The following DOCK11 variants were observed in gnomAD, a reference collection of about 807,000 sequenced individuals.
DOCK11 encodes dedicator of cytokinesis 11.
DOCK11 carries 70 observed loss-of-function variants against 169.1 expected under a neutral mutation model. The observed-to-expected ratio is 0.41, with a 90% CI of 0.34 to 0.51. DOCK11 has a LOEUF of 0.51. DOCK11 is among the 20% of genes least tolerant of loss of function. The probability of loss-of-function intolerance (pLI) is 0.10; values close to 1 mark genes in which losing one functional copy is unlikely to be tolerated. For synonymous variants in DOCK11, 529 were observed against 541.3 expected, an observed-to-expected ratio of 0.98 and a Z score of 0.32; for missense variants, 1,166 against 1,538.8, an observed-to-expected ratio of 0.76 and a Z score of 4.05.
chrX:118,509,121 C>A lies in DOCK11; in HGVS notation c.102+13048C>A, dbSNP rs777615896. On this transcript the variant is annotated intron_variant, in intron 1 of 52. Transcript: ENST00000276202. ...CCCCTAGCCTGTCCATAGCTAACCCCCTGCCTCAGTTTTCTGGCTAATCGC... is the reference window on the plus strand; with the variant it reads ...CCCCTAGCCTGTCCATAGCTAACCCACTGCCTCAGTTTTCTGGCTAATCGC... Among the ~76,000 whole-genome samples the A allele has an allele frequency of 2.0e-3, 224 of 111,967 alleles. 1 individual carries two copies. Among genetic ancestry groups the A allele is most frequent in the African/African-American group, 7.0e-3 (217 of 30,825 alleles).
chrX:118,670,706 T>G (rs1050485536), intron 45 of DOCK11, among the ~76,000 whole-genome samples: 1 of 111,980 alleles, frequency 8.9e-6, no homozygotes, highest in Non-Finnish European at 1.9e-5. Flanking sequence ...AAACAATATA[T>G]TCCCTTTTTA....
At chrX:118,594,668 T>C (rs2014104119) in intron 20 of DOCK11, among the ~76,000 whole-genome samples, 1 of 111,308 alleles carries the variant, frequency 9.0e-6, no homozygotes, top group African/African-American at 3.3e-5. Flanking sequence ...GTAAGGGAAA[T>C]GAGTCCTGCG....
chrX:118,636,828 TACACACACACACACAC>T (rs765702693), intron 36 of DOCK11, among the ~76,000 whole-genome samples: 4 of 100,549 alleles, frequency 4.0e-5, no homozygotes, highest in African/African-American at 1.1e-4. Flanking sequence ...TATTTGTGTG[TACACACACACACACAC>T]ACACACACAC....
chrX:118,570,017 T>C (rs1053788750), intron 10 of DOCK11, among the ~76,000 whole-genome samples: 3 of 112,244 alleles, frequency 2.7e-5, no homozygotes, highest in African/African-American at 9.7e-5. Context: ...CAGTGAGCTA[T>C]GGTAAGAGAG....
intron 1 of DOCK11, among the ~76,000 whole-genome samples, 174 bp downstream of exon 1, chrX:118,496,247 G>C (rs772902403): frequency 8.9e-6 from 1 of 112,183 alleles, no homozygotes; most frequent in South Asian, 3.6e-4. Context: ...CCAGGCGCCG[G>C]CTGACAGCTC....
chrX:118,602,546 C>CT (rs112183310), intron 23 of DOCK11, among the ~76,000 whole-genome samples: 1,219 of 103,794 alleles, frequency 0.012, 21 homozygotes, highest in African/African-American at 0.039. Flanking sequence ...GGGCTCCTGT[C>CT]TTTTTTTTTT....
chrX:118,534,736 C>T (rs1377180646), intron 1 of DOCK11, among the ~76,000 whole-genome samples: 1 of 111,826 alleles, frequency 8.9e-6, no homozygotes, highest in Non-Finnish European at 1.9e-5. Context: ...TAAGAGCAGT[C>T]TCTTTGTACT....
At chrX:118,584,323 G>T (rs112415244) in intron 14 of DOCK11, among the ~76,000 whole-genome samples, 1,706 of 112,105 alleles carry the variant, frequency 0.015, 29 homozygotes, top group African/African-American at 0.052. Context: ...TCTGATGTTT[G>T]CTTTCTTGTA....
chrX:118,622,914 G>A (rs767115898), intron 31 of DOCK11, among the ~76,000 whole-genome samples: 34 of 112,092 alleles, frequency 3.0e-4, no homozygotes, highest in Admixed American at 7.6e-4. Flanking sequence ...TGGAACAAAG[G>A]AAAGTAATGA....
chrX:118,655,548 A>G (rs923632309), intron 44 of DOCK11, among the ~76,000 whole-genome samples: 10 of 111,807 alleles, frequency 8.9e-5, no homozygotes, highest in African/African-American at 3.3e-4. Flanking sequence ...AAAGGGAGTC[A>G]TACTCTTGAA....
intron 1 of DOCK11, among the ~76,000 whole-genome samples, chrX:118,519,181 G>A (rs745475033): frequency 8.9e-6 from 1 of 111,885 alleles, no homozygotes; most frequent in Admixed American, 9.5e-5. Context: ...TGAATACTTC[G>A]AAGGCTTTGA....
intron 4 of DOCK11, among the ~76,000 whole-genome samples, chrX:118,544,645 C>CTTTTTTTTTTCTTTTTTTT (rs2012174776): frequency 4.3e-5 from 1 of 23,343 alleles, no homozygotes; most frequent in Non-Finnish European, 7.2e-5. Context: ...TACACTGTTG[C>CTTTTTTTTTTCTTTTTTTT]TTTTTTTTTT....
intron 35 of DOCK11, among the ~76,000 whole-genome samples, chrX:118,635,051 GTC>G (rs1176928192): frequency 8.9e-6 from 1 of 112,175 alleles, no homozygotes; most frequent in Non-Finnish European, 1.9e-5. Flanking sequence ...CAAATTTTGA[GTC>G]TATTTTCAGT....
At chrX:118,580,574 C>T (rs1192528290) in intron 14 of DOCK11, among the ~76,000 whole-genome samples, 2 of 112,130 alleles carry the variant, frequency 1.8e-5, no homozygotes, top group Non-Finnish European at 3.8e-5. Context: ...GCCTCGGCCT[C>T]CCAAAGTGCT....
intron 10 of DOCK11, among the ~76,000 whole-genome samples, chrX:118,568,375 TATATATA>T (rs2013149837): frequency 5.9e-4 from 1 of 1,699 alleles, no homozygotes; most frequent in African/African-American, 2.5e-3. Flanking sequence ...CTGAATTATA[TATATATA>T]TATATATATA....
At position 118,535,421 on chromosome X, in the gene DOCK11, A is replaced by G. The variant is rs185624450; in HGVS notation, c.103-7304A>G. On this transcript the variant is annotated intron_variant, in intron 1 of 52. Transcript: ENST00000276202. ...TAAAACGCTTAACCGAGTATACAGC[A>G]ATGCTTAATGTAAGTGGTAACAGAA... 1.6e-3 allele frequency among the ~76,000 whole-genome samples: 179 copies of G among 112,157 alleles called. 1 individual carries two copies. The highest frequency in any genetic ancestry group is 5.6e-3 in the African/African-American group (172 of 30,915).
rs866084805 is a variant in DOCK11 at position 118,495,988 on chromosome X, A to G, written c.17A>G (p.Lys6Arg). Residue 6 changes from lysine (K) to arginine (R), a missense_variant, in exon 1 of 53, where the codon AAA becomes AGA. Lys to Arg is a conservative substitution (Grantham distance 26, BLOSUM62 2). Coordinates refer to ENST00000276202, the MANE Select transcript of DOCK11 (RefSeq NM_144658.4). MAEVR[K>R]FTKRLSKPGT... Reference sequence around the variant, plus strand: ...GCCGCTGCCATGGCCGAAGTGCGCAAATTCACCAAACGGCTCAGCAAGCCT... The same window carrying G: ...GCCGCTGCCATGGCCGAAGTGCGCAGATTCACCAAACGGCTCAGCAAGCCT... 1 of 1,089,053 alleles carries G rather than the reference A, an allele frequency of 9.2e-7. No individual in the cohort carries two copies. The highest frequency in any genetic ancestry group is 2.8e-4 in the Middle Eastern group (1 of 3,558). 89.8% of individuals were successfully genotyped at this position (1,089,053 alleles called of 1,213,427 possible).
intron 12 of DOCK11, among the ~76,000 whole-genome samples, chrX:118,576,250 C>T (rs144867645): frequency 1.0e-3 from 116 of 111,531 alleles, no homozygotes; most frequent in African/African-American, 3.4e-3. Context: ...CATTTTCTAG[C>T]GGGAGGGGCC....
In DOCK11 at chrX:118,680,512, G is replaced by A; in HGVS notation, c.5491G>A (p.Ala1831Thr). 8.4e-7 allele frequency: 1 copy of A among 1,190,045 alleles called. No individual in the cohort carries two copies. Residue 1831 changes from alanine to threonine, a missense_variant, in exon 49 of 53, where the codon GCT becomes ACT. Coordinates refer to ENST00000276202, the MANE Select transcript of DOCK11 (RefSeq NM_144658.4). ...TGCCAAAGAGCTTGATCCAAAATAT[G>A]CTCATATACAAGTTACTTATGTGAA... The part of the protein sequence containing the change: ...VNAKELDPKY[A>T]HIQVTYVKPY...
Sources: allele counts gnomAD v4.1 joint callset (sites outside exome capture counted in the v4.1 genomes callset), GRCh38; gene constraint gnomAD v4.1.1; transcripts MANE v1.5; gene names NCBI Gene and HGNC (gene_info 2026-07-23, HGNC 2026-07-21).